The following CACNA2D1 variants were observed in gnomAD, a reference collection of about 807,000 sequenced individuals.
CACNA2D1 encodes the protein voltage-dependent calcium channel subunit alpha-2/delta-1.
CACNA2D1 carries 53 observed loss-of-function variants against 171.5 expected under a neutral mutation model. The observed-to-expected ratio is 0.31, with a 90% CI of 0.25 to 0.39. CACNA2D1 has a LOEUF of 0.39. Ranked by LOEUF, CACNA2D1 falls within the 10% of genes least tolerant of loss-of-function variation. The pLI is 1.00. For missense variants in CACNA2D1, 903 were observed against 1,299.8 expected (o/e 0.69, Z 4.69); for synonymous variants, 442 against 443.1 (o/e 1.00, Z 0.03).
At chr7:82,114,000 T>TC (rs1788738313) in intron 6 of CACNA2D1, among the ~76,000 whole-genome samples, 1 of 152,158 alleles carries the variant, frequency 6.6e-6, no homozygotes, top group South Asian at 2.1e-4. Context: ...GCCTATGACT[T>TC]CTGAAAACAT....
intron 6 of CACNA2D1, among the ~76,000 whole-genome samples, chr7:82,111,745 G>C (rs1256533047): frequency 1.3e-5 from 2 of 151,884 alleles, no homozygotes; most frequent in Non-Finnish European, 2.9e-5. Context: ...CACCACACCA[G>C]GAGGAGCTTT....
At chr7:82,174,195 C>T (rs964174036) in intron 3 of CACNA2D1, among the ~76,000 whole-genome samples, 6 of 149,698 alleles carry the variant, frequency 4.0e-5, no homozygotes, top group Non-Finnish European at 7.4e-5. Flanking sequence ...AAACAGAACA[C>T]TTTTCTGATT....
intron 18 of CACNA2D1, among the ~76,000 whole-genome samples, chr7:82,003,149 A>T (rs527273032): frequency 4.6e-4 from 70 of 152,268 alleles, no homozygotes; most frequent in Admixed American, 1.1e-3. Context: ...TCATAAATGG[A>T]AATCATAATA....
At chr7:82,027,913 A>T (rs1019429575) in intron 12 of CACNA2D1, 8 of 152,138 alleles carry the variant, frequency 5.3e-5, no homozygotes, top group African/African-American at 1.9e-4. Context: ...TCTCTATAAC[A>T]TAAAAGTGCA....
chr7:82,182,270 G>C (rs923342951), intron 3 of CACNA2D1, among the ~76,000 whole-genome samples: 2 of 152,068 alleles, frequency 1.3e-5, no homozygotes, highest in African/African-American at 4.8e-5. Context: ...ATAAGAAAAT[G>C]ATCAAATCTC....
At chr7:82,196,972 C>A (rs543015613) in intron 3 of CACNA2D1, among the ~76,000 whole-genome samples, 134 of 151,994 alleles carry the variant, frequency 8.8e-4, no homozygotes, top group South Asian at 6.4e-3. Context: ...TTACACTCTT[C>A]AATTTTCTGA....
At chr7:82,000,384 C>T (rs1013447181) in intron 18 of CACNA2D1, among the ~76,000 whole-genome samples, 1 of 152,076 alleles carries the variant, frequency 6.6e-6, no homozygotes, top group African/African-American at 2.4e-5. Flanking sequence ...ATTTAATTTC[C>T]TAGGTGAATA....
intron 3 of CACNA2D1, among the ~76,000 whole-genome samples, chr7:82,310,646 C>CA (rs1176344418): frequency 2.0e-5 from 3 of 151,152 alleles, no homozygotes; most frequent in Admixed American, 1.3e-4. Flanking sequence ...AGGAAAACTT[C>CA]AAAAAAAGGG....
chr7:81,971,883 A>G lies in CACNA2D1; in HGVS notation c.2054-19T>C. On this transcript the variant is annotated intron_variant, in intron 25 of 38. Coordinates refer to ENST00000356860, the MANE Select transcript of CACNA2D1 (RefSeq NM_000722.4). Reference sequence around the variant, plus strand: ...GCGTTACCTAACACAGAAAAAGATCATCAGTTACACTCACATTTCTAAAAT... The same window carrying G: ...GCGTTACCTAACACAGAAAAAGATCGTCAGTTACACTCACATTTCTAAAAT... 1 of 1,429,288 alleles carries G rather than the reference A, an allele frequency of 7.0e-7. No individual in the cohort carries two copies. Among genetic ancestry groups the G allele is most frequent in the South Asian group, 1.2e-5 (1 of 86,804 alleles). 88.5% of individuals were successfully genotyped at this position (1,429,288 alleles called of 1,614,324 possible). A position where few individuals can be genotyped will look rare whatever the true frequency, so the allele number is the denominator to read the frequency against.
intron 1 of CACNA2D1, among the ~76,000 whole-genome samples, chr7:82,431,910 C>A (rs1829715438): frequency 6.6e-6 from 1 of 151,436 alleles, no homozygotes; most frequent in Admixed American, 6.6e-5. Flanking sequence ...TGGTGGCACG[C>A]ACCTGTAATC....
chr7:82,055,946 A>C (rs1447866502), intron 10 of CACNA2D1, among the ~76,000 whole-genome samples: 1 of 141,360 alleles, frequency 7.1e-6, no homozygotes, highest in African/African-American at 2.6e-5. Flanking sequence ...ATATATATAT[A>C]TAATTTTTTA....
At chr7:82,300,394 G>A (rs1461522285) in intron 3 of CACNA2D1, among the ~76,000 whole-genome samples, 6 of 151,912 alleles carry the variant, frequency 3.9e-5, no homozygotes, top group Admixed American at 1.3e-4. Flanking sequence ...TATTTTATAC[G>A]TAAAAGAATG....
At chr7:82,126,511 C>T (rs896411128) in intron 5 of CACNA2D1, among the ~76,000 whole-genome samples, 1 of 152,006 alleles carries the variant, frequency 6.6e-6, no homozygotes, top group African/African-American at 2.4e-5. Flanking sequence ...TAAAACTCAA[C>T]TTTTTTTTAT....
At chr7:82,229,144 C>T (rs900141058) in intron 3 of CACNA2D1, among the ~76,000 whole-genome samples, 2 of 152,028 alleles carry the variant, frequency 1.3e-5, no homozygotes, top group Non-Finnish European at 2.9e-5. Context: ...ATTATATATC[C>T]CCATTAGATT....
At chr7:82,097,631 G>A (rs1328498661) in intron 6 of CACNA2D1, among the ~76,000 whole-genome samples, 1 of 152,070 alleles carries the variant, frequency 6.6e-6, no homozygotes, top group African/African-American at 2.4e-5. Flanking sequence ...AACGTGAGGT[G>A]CTTCTGAGAT....
intron 3 of CACNA2D1, among the ~76,000 whole-genome samples, chr7:82,287,208 AAT>A (rs1257205230): frequency 6.6e-6 from 1 of 152,054 alleles, no homozygotes; most frequent in East Asian, 1.9e-4. Flanking sequence ...CTGACATACA[AAT>A]ATATTAGCAT....
At chr7:82,393,079 A>AAGGAAGGAAGGAAGGAAGGC (rs1825342917) in intron 1 of CACNA2D1, among the ~76,000 whole-genome samples, 2 of 114,156 alleles carry the variant, frequency 1.8e-5, no homozygotes, top group South Asian at 2.9e-4. Flanking sequence ...GGAAGGAAGG[A>AAGGAAGGAAGGAAGGAAGGC]AGGAAGGCAG....
chr7:82,134,008 G>A (rs893711318), intron 5 of CACNA2D1, among the ~76,000 whole-genome samples: 7 of 152,004 alleles, frequency 4.6e-5, no homozygotes, highest in Admixed American at 1.3e-4. Context: ...AGGAGGTGGA[G>A]CTTGCAGTGA....
chr7:82,386,093 A>G (rs981196345), intron 1 of CACNA2D1, among the ~76,000 whole-genome samples: 1 of 152,204 alleles, frequency 6.6e-6, no homozygotes, highest in African/African-American at 2.4e-5. Flanking sequence ...TCTTGGAATG[A>G]CTATGCATTC....
Sources: gnomAD v4.1 joint callset for allele counts (sites outside exome capture counted in the v4.1 genomes callset) on GRCh38, gnomAD v4.1.1 for gene constraint, MANE v1.5 for transcripts, NCBI Gene and HGNC (gene_info 2026-07-23, HGNC 2026-07-21) for gene names.